Variants in PTPRD observed in about 807,000 individuals in gnomAD.
PTPRD encodes receptor-type tyrosine-protein phosphatase delta.
A neutral mutation model predicts 214.5 loss-of-function variants in PTPRD; 34 were observed. That is an observed-to-expected ratio of 0.16 (90% CI 0.12 to 0.21). PTPRD has a LOEUF of 0.21. PTPRD is among the 10% of genes least tolerant of loss of function. The probability of loss-of-function intolerance (pLI) is 1.00; values close to 1 mark genes in which losing one functional copy is unlikely to be tolerated. For synonymous variants in PTPRD, 1,128 were observed against 845.7 expected (o/e 1.33, Z -5.79); for missense variants, 2,545 against 2,398.7 (o/e 1.06, Z -1.27).
chr9:10,040,591 A>G lies in PTPRD; in HGVS notation c.-544-6801T>C, dbSNP rs1359095073. ...CAGCAGCAAGCTACTTAGCAACGAG[A>G]GGCTATATTTGGTTTCTGCAGACTT... On this transcript the variant is annotated intron_variant, in intron 3 of 45. Coordinates refer to ENST00000381196, the MANE Select transcript of PTPRD (RefSeq NM_002839.4). 2.6e-5 allele frequency among the ~76,000 whole-genome samples: 4 copies of G among 152,022 alleles called. No individual in the cohort carries two copies. In the East Asian group the frequency reaches 5.8e-4, roughly 22 times the overall value.
chr9:9,492,473 G>A (rs2095959550), intron 8 of PTPRD, among the ~76,000 whole-genome samples: 1 of 152,050 alleles, frequency 6.6e-6, no homozygotes, highest in African/African-American at 2.4e-5. Flanking sequence ...AACCAATGAT[G>A]TTTATTCCTG....
At chr9:9,764,233 T>C (rs2098687935) in intron 6 of PTPRD, among the ~76,000 whole-genome samples, 1 of 152,204 alleles carries the variant, frequency 6.6e-6, no homozygotes, top group African/African-American at 2.4e-5. Context: ...GGGCATGCTA[T>C]GGAGGTATAA....
At chr9:10,472,223 A>C (rs2099035631) in intron 2 of PTPRD, among the ~76,000 whole-genome samples, 1 of 152,126 alleles carries the variant, frequency 6.6e-6, no homozygotes, top group African/African-American at 2.4e-5. Flanking sequence ...GCAATGTTTG[A>C]CTTTAGAACT....
chr9:9,117,558 C>T (rs540321415), intron 10 of PTPRD, among the ~76,000 whole-genome samples: 6 of 152,196 alleles, frequency 3.9e-5, no homozygotes, highest in Admixed American at 3.9e-4. Flanking sequence ...AACTGAGGAA[C>T]AAGATCTTTT....
chr9:8,802,283 G>C (rs1035985629), intron 11 of PTPRD, among the ~76,000 whole-genome samples: 2 of 152,146 alleles, frequency 1.3e-5, no homozygotes, highest in Admixed American at 1.3e-4. Context: ...ACAAGTCTGA[G>C]TGTAGAAAGC....
At chr9:10,406,445 A>T (rs2098360378) in intron 2 of PTPRD, among the ~76,000 whole-genome samples, 1 of 151,636 alleles carries the variant, frequency 6.6e-6, no homozygotes. Flanking sequence ...TGCGTAAAGA[A>T]AAAAGTGAAC....
chr9:10,090,352 G>A (rs1001216504), intron 3 of PTPRD, among the ~76,000 whole-genome samples: 1 of 151,406 alleles, frequency 6.6e-6, no homozygotes, highest in Non-Finnish European at 1.5e-5. Context: ...AGTAGAATTT[G>A]ATCATCAAAA....
intron 11 of PTPRD, among the ~76,000 whole-genome samples, chr9:8,947,950 G>T (rs72708106): frequency 0.013 from 2,028 of 151,560 alleles, 27 homozygotes; most frequent in African/African-American, 0.039. Context: ...TCGAGGTTCA[G>T]TGTGTTGCCT....
At chr9:10,467,593 T>C (rs1458323952) in intron 2 of PTPRD, among the ~76,000 whole-genome samples, 2 of 152,144 alleles carry the variant, frequency 1.3e-5, no homozygotes, top group African/African-American at 4.8e-5. Flanking sequence ...TGTGTACATG[T>C]GTGATAGTTG....
chr9:8,436,522 C>G (rs2095356591), intron 35 of PTPRD, 70 bp downstream of exon 35: 1 of 1,235,032 alleles, frequency 8.1e-7, no homozygotes, highest in Non-Finnish European at 1.2e-6. Flanking sequence ...AGTTAATTTT[C>G]AAGAATATGG....
intron 8 of PTPRD, among the ~76,000 whole-genome samples, chr9:9,443,534 G>A (rs965687929): frequency 6.6e-6 from 1 of 152,212 alleles, no homozygotes; most frequent in Non-Finnish European, 1.5e-5. Context: ...GCCTGTGTGT[G>A]AGAAAACTGG....
intron 3 of PTPRD, among the ~76,000 whole-genome samples, chr9:10,241,163 G>A (rs925876988): frequency 6.6e-6 from 1 of 151,842 alleles, no homozygotes; most frequent in Admixed American, 6.6e-5. Context: ...ACTCTGTACT[G>A]ATTACATTTG....
intron 3 of PTPRD, among the ~76,000 whole-genome samples, chr9:10,046,306 G>T (rs2154147631): frequency 6.6e-6 from 1 of 151,854 alleles, no homozygotes; most frequent in African/African-American, 2.4e-5. Flanking sequence ...AAACACAACT[G>T]CATCTTTGAA....
intron 9 of PTPRD, among the ~76,000 whole-genome samples, chr9:9,257,464 A>G (rs2099978236): frequency 6.6e-6 from 1 of 151,978 alleles, no homozygotes; most frequent in South Asian, 2.1e-4. Context: ...TAAAAACAGA[A>G]AGCTAAAACA....
intron 5 of PTPRD, among the ~76,000 whole-genome samples, chr9:9,859,979 T>C (rs1555229204): frequency 6.6e-6 from 1 of 152,174 alleles, no homozygotes; most frequent in Non-Finnish European, 1.5e-5. Context: ...ACAAGATCTC[T>C]AACAACAACA....
At chr9:8,620,496 G>T (rs988813788) in intron 14 of PTPRD, among the ~76,000 whole-genome samples, 1 of 151,964 alleles carries the variant, frequency 6.6e-6, no homozygotes, top group Non-Finnish European at 1.5e-5. Context: ...TGATGAAAAG[G>T]TTATTTTGCA....
intron 33 of PTPRD, among the ~76,000 whole-genome samples, chr9:8,450,101 G>C (rs1055178766): frequency 6.6e-6 from 1 of 152,088 alleles, no homozygotes; most frequent in Non-Finnish European, 1.5e-5. Flanking sequence ...CTGCCTTTTG[G>C]TTTCAAAGGG....
At chr9:10,383,151 G>C (rs1176181835) in intron 2 of PTPRD, among the ~76,000 whole-genome samples, 10 of 151,790 alleles carry the variant, frequency 6.6e-5, no homozygotes, top group Non-Finnish European at 1.5e-5. Context: ...TAAAATGATA[G>C]AAACCATGAA....
chr9:8,899,185 G>C (rs1214202731), intron 11 of PTPRD, among the ~76,000 whole-genome samples: 1 of 152,118 alleles, frequency 6.6e-6, no homozygotes, highest in Non-Finnish European at 1.5e-5. Context: ...TCTTGCATTT[G>C]CTACAGAGGC....
Sources: allele counts gnomAD v4.1 joint callset (sites outside exome capture counted in the v4.1 genomes callset), GRCh38; gene constraint gnomAD v4.1.1; transcripts MANE v1.5; gene names NCBI Gene and HGNC (gene_info 2026-07-23, HGNC 2026-07-21).